LDLRAD3: variants seen among roughly 807,000 people sequenced by gnomAD.
LDLRAD3 encodes the protein low density lipoprotein receptor class A domain containing 3, also known as low-density lipoprotein receptor class A domain-containing protein 3.
In LDLRAD3, 20 loss-of-function variants were observed where a neutral mutation model predicts 29.4. That is an observed-to-expected ratio of 0.68 (90% CI 0.48 to 0.99). LDLRAD3 has a LOEUF of 0.99. Ranked by LOEUF, LDLRAD3 falls within the 50% of genes least tolerant of loss-of-function variation. The probability of loss-of-function intolerance (pLI) is 0.00; values close to 1 mark genes in which losing one functional copy is unlikely to be tolerated. For synonymous variants in LDLRAD3, 157 were observed against 192.7 expected, an observed-to-expected ratio of 0.81 and a Z score of 1.53; for missense variants, 420 against 454.3, an observed-to-expected ratio of 0.92 and a Z score of 0.69.
intron 4 of LDLRAD3, among the ~76,000 whole-genome samples, chr11:36,191,560 C>CTCTCTCTCTG (rs1854945085): frequency 1.4e-5 from 1 of 69,324 alleles, no homozygotes; most frequent in African/African-American, 7.4e-5. Context: ...CTCTCTCTCT[C>CTCTCTCTCTG]TCTCTCTCTC....
chr11:36,042,057 A>G (rs1852389701), intron 2 of LDLRAD3, among the ~76,000 whole-genome samples: 1 of 152,202 alleles, frequency 6.6e-6, no homozygotes, highest in South Asian at 2.1e-4. Flanking sequence ...TAAAGGCATA[A>G]ATCCATGAGA....
At chr11:36,049,358 A>G (rs1590226356) in intron 2 of LDLRAD3, among the ~76,000 whole-genome samples, 2 of 152,214 alleles carry the variant, frequency 1.3e-5, no homozygotes, top group African/African-American at 4.8e-5. Context: ...TTTTAAAAAA[A>G]TCTTGAGACA....
chr11:36,159,601 C>CAAAAAAAA (rs1408079188), intron 4 of LDLRAD3, among the ~76,000 whole-genome samples: 1 of 19,026 alleles, frequency 5.3e-5, no homozygotes. Context: ...TTTACAGAAA[C>CAAAAAAAA]TAAAAAAAAA....
chr11:35,968,217 C>T (rs1398437047), intron 1 of LDLRAD3: 1 of 404,024 alleles, frequency 2.5e-6, no homozygotes, highest in Non-Finnish European at 4.8e-6. Flanking sequence ...GAATAATTTT[C>T]TATAGGACTT....
At chr11:35,946,313 C>T (rs1030646355) in intron 1 of LDLRAD3, among the ~76,000 whole-genome samples, 33 of 152,158 alleles carry the variant, frequency 2.2e-4, no homozygotes, top group African/African-American at 7.0e-4. Context: ...TCTCTGTCTC[C>T]ATCTGATAGT....
chr11:36,123,953 G>T (rs1224245948), intron 4 of LDLRAD3, among the ~76,000 whole-genome samples: 1 of 152,228 alleles, frequency 6.6e-6, no homozygotes, highest in Non-Finnish European at 1.5e-5. Flanking sequence ...GCGCATCCGA[G>T]TGAAGCCGGC....
chr11:35,958,241 C>T (rs1851230136), intron 1 of LDLRAD3, among the ~76,000 whole-genome samples: 1 of 152,150 alleles, frequency 6.6e-6, no homozygotes, highest in Admixed American at 6.5e-5. Flanking sequence ...TTCAGATGCT[C>T]AATAGTCCCA....
At chr11:36,038,459 G>C (rs1852333213) in intron 2 of LDLRAD3, among the ~76,000 whole-genome samples, 1 of 152,140 alleles carries the variant, frequency 6.6e-6, no homozygotes, top group Non-Finnish European at 1.5e-5. Flanking sequence ...GGAATGTTTG[G>C]CACATGATCA....
chr11:36,138,855 G>A (rs578038813), intron 4 of LDLRAD3, among the ~76,000 whole-genome samples: 2 of 152,342 alleles, frequency 1.3e-5, no homozygotes, highest in South Asian at 4.1e-4. Flanking sequence ...AGTCCTGCCT[G>A]TGCAGAGAGC....
intron 2 of LDLRAD3, among the ~76,000 whole-genome samples, chr11:36,075,224 T>C (rs1221051441): frequency 1.3e-5 from 2 of 152,162 alleles, no homozygotes; most frequent in African/African-American, 4.8e-5. Context: ...GCTGGAGGAA[T>C]TAAGCACATC....
chr11:36,147,989 G>A (rs1221607427), intron 4 of LDLRAD3, among the ~76,000 whole-genome samples: 2 of 152,110 alleles, frequency 1.3e-5, no homozygotes, highest in African/African-American at 4.8e-5. Context: ...TCCTGCCTCA[G>A]CCTTGCGAGT....
At chr11:36,078,802 C>T (rs951253720) in intron 2 of LDLRAD3, among the ~76,000 whole-genome samples, 37 of 152,170 alleles carry the variant, frequency 2.4e-4, no homozygotes, top group East Asian at 7.7e-4. Flanking sequence ...TACCAGCGGA[C>T]GATTCAGCTT....
intron 1 of LDLRAD3, among the ~76,000 whole-genome samples, chr11:35,996,195 A>G (rs539402706): frequency 1.3e-5 from 2 of 152,322 alleles, no homozygotes. Flanking sequence ...TGAGAGATGT[A>G]CAACGCTTTC....
At position 36,189,755 on chromosome 11, in the gene LDLRAD3, T is replaced by C. The variant is rs12049816; in HGVS notation, c.455-37330T>C. On this transcript the variant is annotated intron_variant, in intron 4 of 5. Transcript: ENST00000315571. ...TCCCCCACCCCACAACAGGCCCCAC[T>C]GTGTGATGTTCCATTTCCTGTGTCC... is the stretch of plus-strand genomic sequence containing the variant. 1.5e-3 allele frequency among the ~76,000 whole-genome samples: 231 copies of C among 149,482 alleles called. 3 individuals carry two copies. The East Asian group carries it at 0.045, about 29-fold the overall frequency.
At chr11:36,143,957 C>A (rs1854127876) in intron 4 of LDLRAD3, among the ~76,000 whole-genome samples, 2 of 143,042 alleles carry the variant, frequency 1.4e-5, no homozygotes, top group South Asian at 2.4e-4. Flanking sequence ...CCTCTCTTGC[C>A]ACGGTCTCCC....
chr11:36,100,846 A>G (rs749860980), intron 4 of LDLRAD3, among the ~76,000 whole-genome samples: 67 of 152,334 alleles, frequency 4.4e-4, no homozygotes, highest in African/African-American at 5.8e-4. Context: ...AGGCCTGTCA[A>G]TAGTTTGGGC....
At chr11:35,983,706 C>T (rs1851573132) in intron 1 of LDLRAD3, among the ~76,000 whole-genome samples, 1 of 152,222 alleles carries the variant, frequency 6.6e-6, no homozygotes, top group Non-Finnish European at 1.5e-5. Context: ...TCTCAGCTCA[C>T]TGCAACCTCT....
At chr11:36,148,297 C>T (rs2133324747) in intron 4 of LDLRAD3, among the ~76,000 whole-genome samples, 1 of 152,256 alleles carries the variant, frequency 6.6e-6, no homozygotes, top group South Asian at 2.1e-4. Flanking sequence ...TGTGTTTTAA[C>T]CCCTGCCCTG....
intron 4 of LDLRAD3, among the ~76,000 whole-genome samples, chr11:36,141,728 G>A (rs1276157618): frequency 6.6e-6 from 1 of 152,178 alleles, no homozygotes; most frequent in Non-Finnish European, 1.5e-5. Flanking sequence ...CACGTGGAGT[G>A]AGCCAGGTGC....
Sources: gnomAD v4.1 joint callset for allele counts (sites outside exome capture counted in the v4.1 genomes callset) on GRCh38, gnomAD v4.1.1 for gene constraint, MANE v1.5 for transcripts, NCBI Gene and HGNC (gene_info 2026-07-23, HGNC 2026-07-21) for gene names.